TMTC2: variants seen among roughly 807,000 people sequenced by gnomAD.
TMTC2 encodes transmembrane O-mannosyltransferase targeting cadherins 2.
A neutral mutation model predicts 82.4 loss-of-function variants in TMTC2; 43 were observed. The ratio of observed to expected loss-of-function variants is 0.52; its 90% confidence interval spans 0.41 to 0.67. The LOEUF (loss-of-function observed/expected upper bound fraction) is 0.67. TMTC2 is among the 30% of genes least tolerant of loss of function. The pLI is 0.00. For synonymous variants in TMTC2, 408 were observed against 381.9 expected (o/e 1.07, Z -0.80); for missense variants, 919 against 1,012.4 (o/e 0.91, Z 1.25).
intron 2 of TMTC2, among the ~76,000 whole-genome samples, chr12:82,868,071 A>G (rs1660323529): frequency 6.6e-6 from 1 of 152,198 alleles, no homozygotes; most frequent in African/African-American, 2.4e-5. Context: ...AAAATCAGGG[A>G]TATAATATCT....
At chr12:83,045,707 T>TCTCACACACACACACACACACACA (rs1555208196) in intron 9 of TMTC2, among the ~76,000 whole-genome samples, 16 of 122,706 alleles carry the variant, frequency 1.3e-4, no homozygotes, top group African/African-American at 2.0e-4. Context: ...AAGGGCTCCT[T>TCTCACACACACACACACACACACA]CACACACACA....
chr12:82,722,802 A>G (rs1874275834), intron 1 of TMTC2, among the ~76,000 whole-genome samples: 1 of 152,146 alleles, frequency 6.6e-6, no homozygotes, highest in African/African-American at 2.4e-5. Context: ...TGCCTCAAGA[A>G]TATCTGATTT....
chr12:82,870,992 C>T (rs1188623615), intron 2 of TMTC2, among the ~76,000 whole-genome samples: 5 of 152,184 alleles, frequency 3.3e-5, no homozygotes, highest in African/African-American at 1.2e-4. Context: ...GCTGCTCTGA[C>T]TTCCATATTG....
intron 3 of TMTC2, among the ~76,000 whole-genome samples, chr12:82,916,443 T>A (rs1446455442): frequency 1.3e-5 from 2 of 152,054 alleles, no homozygotes; most frequent in Admixed American, 6.6e-5. Context: ...ATGGGAAAAA[T>A]TTTGCATAGA....
intron 7 of TMTC2, among the ~76,000 whole-genome samples, chr12:82,983,701 T>A (rs1178663382): frequency 6.6e-6 from 1 of 152,026 alleles, no homozygotes; most frequent in Admixed American, 6.6e-5. Flanking sequence ...TAAACTGGCC[T>A]ATAAGCACTT....
intron 11 of TMTC2, among the ~76,000 whole-genome samples, chr12:83,098,182 A>G (rs1053741253): frequency 6.6e-6 from 1 of 152,200 alleles, no homozygotes; most frequent in Non-Finnish European, 1.5e-5. Flanking sequence ...AGAAATGGAC[A>G]TATTCAGAAT....
At chr12:83,128,235 C>T (rs996266933) in intron 11 of TMTC2, among the ~76,000 whole-genome samples, 32 of 152,102 alleles carry the variant, frequency 2.1e-4, no homozygotes, top group African/African-American at 7.7e-4. Context: ...AGAGCAAGGA[C>T]ACCAGTATGT....
chr12:82,896,362 T>G lies in TMTC2; in HGVS notation c.1199T>G (p.Leu400Trp), dbSNP rs750194302. 1 of 1,614,176 alleles carries G rather than the reference T, an allele frequency of 6.2e-7. No homozygotes were observed. Among genetic ancestry groups the G allele is most frequent in the Non-Finnish European group, 8.5e-7 (1 of 1,180,038 alleles). Residue 400 changes from leucine (L) to tryptophan (W), a missense_variant, in exon 3 of 12, where the codon TTG becomes TGG. Leu to Trp is a moderately conservative substitution (Grantham distance 61). Transcript: ENST00000321196. ...TENIVVLSLS[L>W]LIIPFVPATN... ...AACATTGTTGTTCTGTCTTTATCTT[T>G]GTTAATCATACCCTTTGTTCCTGCC...
chr12:82,721,646 C>T (rs1874212300), intron 1 of TMTC2, among the ~76,000 whole-genome samples: 1 of 152,052 alleles, frequency 6.6e-6, no homozygotes, highest in East Asian at 1.9e-4. Flanking sequence ...TAGCAAACTC[C>T]TTGACAAAAA....
chr12:82,756,964 C>G (rs1405328566), intron 1 of TMTC2, among the ~76,000 whole-genome samples: 1 of 152,126 alleles, frequency 6.6e-6, no homozygotes. Context: ...ACTTAAACCT[C>G]TATATTTTCT....
intron 1 of TMTC2, among the ~76,000 whole-genome samples, chr12:82,698,509 C>G (rs1872922383): frequency 6.6e-6 from 1 of 152,182 alleles, no homozygotes; most frequent in Non-Finnish European, 1.5e-5. Flanking sequence ...GGCTGAATGA[C>G]TTGGTTGATC....
rs536633889 is a variant in TMTC2, at chr12:82,861,656, AT to A, written c.654+4079del. ...CTTAGTGTGCTAAAGATGTTAACTT[AT>A]TTAGCTTATGTAACAAATGCTCGTT... On this transcript the variant is annotated intron_variant, in intron 2 of 11. Transcript: ENST00000321196. 6.6e-3 allele frequency among the ~76,000 whole-genome samples: 1,006 copies of A among 152,366 alleles called. 3 individuals are homozygous for A. The highest frequency in any genetic ancestry group is 0.014 in the South Asian group (68 of 4,826).
At chr12:82,983,483 G>A (rs933853193) in intron 7 of TMTC2, among the ~76,000 whole-genome samples, 2 of 151,592 alleles carry the variant, frequency 1.3e-5, no homozygotes, top group Non-Finnish European at 2.9e-5. Flanking sequence ...ATAACTTTCT[G>A]ACTTGGAAAA....
intron 10 of TMTC2, among the ~76,000 whole-genome samples, chr12:83,057,508 G>T (rs1279234995): frequency 3.3e-5 from 5 of 151,780 alleles, no homozygotes; most frequent in Non-Finnish European, 7.4e-5. Context: ...TATGACTCTG[G>T]TTTCACTATT....
chr12:82,756,566 A>G (rs1420423278), intron 1 of TMTC2, among the ~76,000 whole-genome samples: 1 of 152,224 alleles, frequency 6.6e-6, no homozygotes, highest in Non-Finnish European at 1.5e-5. Flanking sequence ...GCCTTTGAAT[A>G]ATTAGCATCA....
intron 11 of TMTC2, among the ~76,000 whole-genome samples, chr12:83,097,821 G>A (rs563868672): frequency 7.9e-5 from 12 of 152,102 alleles, no homozygotes; most frequent in African/African-American, 4.8e-5. Flanking sequence ...GAAGAACAGC[G>A]TGTATGAAGG....
intron 1 of TMTC2, among the ~76,000 whole-genome samples, chr12:82,770,336 A>C (rs935601539): frequency 2.4e-4 from 37 of 152,282 alleles, no homozygotes; most frequent in Admixed American, 1.6e-3. Flanking sequence ...AGTATATCAA[A>C]GATTTAGGGT....
intron 3 of TMTC2, among the ~76,000 whole-genome samples, chr12:82,912,595 A>C (rs1184485508): frequency 1.3e-5 from 2 of 152,196 alleles, no homozygotes; most frequent in Admixed American, 1.3e-4. Flanking sequence ...GAGTAATCTG[A>C]ATATTTTCCA....
chr12:82,846,887 C>G (rs1377033787), intron 1 of TMTC2, among the ~76,000 whole-genome samples: 1 of 152,080 alleles, frequency 6.6e-6, no homozygotes, highest in Non-Finnish European at 1.5e-5. Flanking sequence ...AAGATAAAAA[C>G]AAGCAAATTT....
Sources: gnomAD v4.1 joint callset for allele counts (sites outside exome capture counted in the v4.1 genomes callset) on GRCh38, gnomAD v4.1.1 for gene constraint, MANE v1.5 for transcripts, NCBI Gene and HGNC (gene_info 2026-07-23, HGNC 2026-07-21) for gene names.